The following PLPPR1 variants were observed in gnomAD, a reference collection of about 807,000 sequenced individuals.
PLPPR1 encodes the protein phospholipid phosphatase related 1, also known as phospholipid phosphatase-related protein type 1.
Under a neutral mutation model 33.1 loss-of-function variants are expected in PLPPR1, and 10 were observed. The observed-to-expected ratio is 0.30, with a 90% CI of 0.19 to 0.51. The LOEUF (loss-of-function observed/expected upper bound fraction) is 0.51. Ranked by LOEUF, PLPPR1 falls within the 20% of genes least tolerant of loss-of-function variation. PLPPR1 has a pLI of 0.97. For synonymous variants in PLPPR1, 151 were observed against 151.0 expected (o/e 1.00, Z 0.00); for missense variants, 304 against 408.1 (o/e 0.74, Z 2.20).
At chr9:101,117,666 A>G (rs1831132124) in intron 1 of PLPPR1, among the ~76,000 whole-genome samples, 1 of 152,212 alleles carries the variant, frequency 6.6e-6, no homozygotes, top group Admixed American at 6.5e-5. Context: ...CTTAAAAAAA[A>G]AAAAAAAAGT....
At position 101,266,433 on chromosome 9, in the gene PLPPR1, A is replaced by G. The variant is rs557438189; in HGVS notation, c.64-3447A>G. Among the ~76,000 whole-genome samples the G allele has an allele frequency of 2.5e-4, 37 of 150,370 alleles. 1 individual carries two copies. Among genetic ancestry groups the G allele is most frequent in the Admixed American group, 4.7e-4 (7 of 14,980 alleles). On this transcript the variant is annotated intron_variant, in intron 2 of 7. Coordinates refer to ENST00000374874, the MANE Select transcript of PLPPR1 (RefSeq NM_207299.2). ...GAAAGAAAGAAAGAAAGAAATAAAG[A>G]AAAAGAAAATTACAAGGAAGAGTTT...
intron 2 of PLPPR1, among the ~76,000 whole-genome samples, chr9:101,241,950 C>T (rs1412994055): frequency 6.6e-6 from 1 of 152,050 alleles, no homozygotes; most frequent in African/African-American, 2.4e-5. Flanking sequence ...TTATTTTGCA[C>T]AGAAATTTGT....
At chr9:101,146,992 C>T (rs148101347) in intron 1 of PLPPR1, among the ~76,000 whole-genome samples, 31 of 152,258 alleles carry the variant, frequency 2.0e-4, no homozygotes, top group Admixed American at 6.5e-5. Context: ...GGTGAAATGT[C>T]GCTATGACAT....
At chr9:101,299,555 C>G (rs1005255171) in intron 4 of PLPPR1, among the ~76,000 whole-genome samples, 3 of 152,144 alleles carry the variant, frequency 2.0e-5, no homozygotes, top group Non-Finnish European at 4.4e-5. Flanking sequence ...GACTCCTACC[C>G]TAGAACTCCC....
chr9:101,125,157 T>A (rs1042247652), intron 1 of PLPPR1, among the ~76,000 whole-genome samples: 6 of 152,222 alleles, frequency 3.9e-5, no homozygotes, highest in African/African-American at 1.4e-4. Context: ...CTTTTGTACC[T>A]CTTTAGGGCA....
intron 1 of PLPPR1, among the ~76,000 whole-genome samples, chr9:101,167,264 C>T (rs1249632812): frequency 6.9e-6 from 1 of 144,772 alleles, no homozygotes; most frequent in Non-Finnish European, 1.5e-5. Context: ...TTCTGAAAAA[C>T]AAACAGCTTG....
At chr9:101,296,129 G>C (rs1419363984) in intron 4 of PLPPR1, among the ~76,000 whole-genome samples, 3 of 152,126 alleles carry the variant, frequency 2.0e-5, no homozygotes, top group Admixed American at 2.0e-4. Context: ...CCATCAAAAA[G>C]TAGGCGAAGG....
At chr9:101,252,251 C>T (rs2118867170) in intron 2 of PLPPR1, among the ~76,000 whole-genome samples, 1 of 152,252 alleles carries the variant, frequency 6.6e-6, no homozygotes, top group Non-Finnish European at 1.5e-5. Context: ...ATTGATTGCA[C>T]AGGTATAGAA....
At chr9:101,289,624 T>C (rs887014778) in intron 4 of PLPPR1, among the ~76,000 whole-genome samples, 2 of 152,204 alleles carry the variant, frequency 1.3e-5, no homozygotes, top group African/African-American at 4.8e-5. Flanking sequence ...TCTCAAAATA[T>C]CTGATGGTTT....
intron 1 of PLPPR1, among the ~76,000 whole-genome samples, chr9:101,065,364 C>T (rs1830398704): frequency 6.6e-6 from 1 of 152,038 alleles, no homozygotes; most frequent in Non-Finnish European, 1.5e-5. Flanking sequence ...GCACTCACTT[C>T]CTTTCAAACC....
chr9:101,315,566 TA>T (rs754399258), intron 6 of PLPPR1, among the ~76,000 whole-genome samples: 1 of 152,218 alleles, frequency 6.6e-6, no homozygotes, highest in Non-Finnish European at 1.5e-5. Context: ...CATCACTCAG[TA>T]ACTACTCAGT....
chr9:101,256,600 T>C (rs897321640), intron 2 of PLPPR1, among the ~76,000 whole-genome samples: 20 of 152,124 alleles, frequency 1.3e-4, no homozygotes, highest in African/African-American at 4.6e-4. Flanking sequence ...TTGTAAAGTA[T>C]GTTGTTGCTG....
chr9:101,237,090 A>G (rs1827316682), intron 2 of PLPPR1, among the ~76,000 whole-genome samples: 2 of 151,908 alleles, frequency 1.3e-5, no homozygotes, highest in Non-Finnish European at 2.9e-5. Flanking sequence ...ACAAATCATC[A>G]GAGAAATGCA....
At chr9:101,173,417 A>G (rs1012594486) in intron 1 of PLPPR1, among the ~76,000 whole-genome samples, 2 of 152,092 alleles carry the variant, frequency 1.3e-5, no homozygotes, top group Non-Finnish European at 2.9e-5. Flanking sequence ...TGGGCTCTTA[A>G]ATAGCTCACA....
At chr9:101,182,837 G>A (rs1009451556) in intron 1 of PLPPR1, among the ~76,000 whole-genome samples, 48 of 151,600 alleles carry the variant, frequency 3.2e-4, no homozygotes, top group African/African-American at 1.1e-3. Context: ...AAAGGTATTT[G>A]AATAGACACT....
intron 1 of PLPPR1, among the ~76,000 whole-genome samples, chr9:101,176,365 T>C (rs547082492): frequency 6.6e-6 from 1 of 151,956 alleles, no homozygotes; most frequent in South Asian, 2.1e-4. Flanking sequence ...TATCTTCCCT[T>C]CCATGGTGTT....
chr9:101,273,792 C>T (rs916809395), intron 3 of PLPPR1, among the ~76,000 whole-genome samples: 1 of 151,950 alleles, frequency 6.6e-6, no homozygotes, highest in Non-Finnish European at 1.5e-5. Context: ...GGTTTTAAAC[C>T]AAAGACATAC....
chr9:101,292,083 G>A (rs558914753), intron 4 of PLPPR1, among the ~76,000 whole-genome samples: 5 of 152,170 alleles, frequency 3.3e-5, no homozygotes, highest in African/African-American at 7.2e-5. Flanking sequence ...AACCAATACA[G>A]AGAAGTGCTT....
At position 101,324,113 on chromosome 9, in the gene PLPPR1, A is replaced by C; in HGVS notation, c.*56A>C. On this transcript the variant is annotated 3_prime_UTR_variant, in exon 8 of 8. Transcript: ENST00000374874. ...AAATCATCTTCCAATTCTATACTTC[A>C]AAACACACAGTTGCTCAATGTCAAA... is the stretch of plus-strand genomic sequence containing the variant. 3 of 1,434,904 alleles carry C rather than the reference A, an allele frequency of 2.1e-6. No homozygotes were observed. Among genetic ancestry groups the C allele is most frequent in the Non-Finnish European group, 2.9e-6 (3 of 1,020,972 alleles). 88.9% of individuals were successfully genotyped at this position (1,434,904 alleles called of 1,614,324 possible).
Sources: allele counts gnomAD v4.1 joint callset (sites outside exome capture counted in the v4.1 genomes callset), GRCh38; gene constraint gnomAD v4.1.1; transcripts MANE v1.5; gene names NCBI Gene and HGNC (gene_info 2026-07-23, HGNC 2026-07-21).